The following PTPRE variants were observed in gnomAD, a reference collection of about 807,000 sequenced individuals.
PTPRE encodes protein tyrosine phosphatase receptor type E.
In PTPRE, 51 loss-of-function variants were observed where a neutral mutation model predicts 102.0. That is an observed-to-expected ratio of 0.50 (90% CI 0.40 to 0.63). The LOEUF (loss-of-function observed/expected upper bound fraction) is 0.63, where lower values mean the gene tolerates loss of function less well. Ranked by LOEUF, PTPRE falls within the 30% of genes least tolerant of loss-of-function variation. The probability of loss-of-function intolerance (pLI) is 0.00; values close to 1 mark genes in which losing one functional copy is unlikely to be tolerated. For synonymous variants in PTPRE, 345 were observed against 348.2 expected (o/e 0.99, Z 0.10); for missense variants, 752 against 915.1 (o/e 0.82, Z 2.30).
intron 18 of PTPRE, 119 bp downstream of exon 18, chr10:128,076,847 T>A: frequency 7.1e-7 from 1 of 1,402,096 alleles, no homozygotes. Context: ...CTTCACCTAG[T>A]CCCATTGGCT....
chr10:127,960,806 T>A (rs189034087), intron 1 of PTPRE, among the ~76,000 whole-genome samples: 2 of 151,960 alleles, frequency 1.3e-5, no homozygotes, highest in African/African-American at 2.4e-5. Flanking sequence ...GGCGGATCAC[T>A]AGGTCAGGAG....
chr10:128,040,285 AGT>A (rs1847568848), intron 2 of PTPRE, among the ~76,000 whole-genome samples: 1 of 152,114 alleles, frequency 6.6e-6, no homozygotes, highest in Non-Finnish European at 1.5e-5. Context: ...AGTCAGACTG[AGT>A]GTGCTGGAGC....
chr10:127,937,707 A>G (rs1441743448), intron 1 of PTPRE, among the ~76,000 whole-genome samples: 1 of 150,558 alleles, frequency 6.6e-6, no homozygotes, highest in African/African-American at 2.4e-5. Context: ...AAAAATACAA[A>G]AATTAGATGG....
At chr10:128,058,228 C>A (rs1171791212) in intron 7 of PTPRE, among the ~76,000 whole-genome samples, 2 of 152,234 alleles carry the variant, frequency 1.3e-5, no homozygotes, top group Non-Finnish European at 2.9e-5. Context: ...CAGGGCAGAG[C>A]AGTGGCCTCA....
At chr10:128,007,877 CT>C (rs761375922) in intron 2 of PTPRE, among the ~76,000 whole-genome samples, 2 of 152,220 alleles carry the variant, frequency 1.3e-5, no homozygotes, top group African/African-American at 2.4e-5. Context: ...ATCTGTGCAA[CT>C]TGCTCGGCTT....
intron 1 of PTPRE, among the ~76,000 whole-genome samples, chr10:127,965,286 A>T (rs1850159574): frequency 6.6e-6 from 1 of 152,180 alleles, no homozygotes. Context: ...TTCAGTTAGG[A>T]ATTCCCATGG....
intron 1 of PTPRE, among the ~76,000 whole-genome samples, chr10:127,949,308 C>T (rs1001866380): frequency 6.6e-6 from 1 of 152,162 alleles, no homozygotes; most frequent in Non-Finnish European, 1.5e-5. Flanking sequence ...TCTATTAGTT[C>T]TGTCTCTCTG....
In PTPRE at chr10:127,923,737, C is replaced by G. The variant is rs571951618; in HGVS notation, c.-31+16428C>G. 5.9e-5 allele frequency among the ~76,000 whole-genome samples: 9 copies of G among 152,274 alleles called. No individual in the cohort carries two copies. The East Asian group carries it at 1.5e-3, about 26-fold the overall frequency. On this transcript the variant is annotated intron_variant, in intron 1 of 20. Coordinates refer to ENST00000254667, the MANE Select transcript of PTPRE (RefSeq NM_006504.6). ...GAAACTCTATCAAGATATCATCCAG[C>G]CCAGTGTGGAGACACAATCTTCCTT...
intron 1 of PTPRE, among the ~76,000 whole-genome samples, chr10:127,913,123 G>A (rs923510845): frequency 7.2e-5 from 11 of 152,246 alleles, no homozygotes; most frequent in African/African-American, 2.2e-4. Flanking sequence ...GCATGATGCC[G>A]CCAAGGCAGC....
At chr10:128,062,596 TA>T (rs1849703748) in intron 9 of PTPRE, among the ~76,000 whole-genome samples, 1 of 152,174 alleles carries the variant, frequency 6.6e-6, no homozygotes, top group Non-Finnish European at 1.5e-5. Flanking sequence ...AGGAAGTGGA[TA>T]GGGGCAGAGG....
chr10:128,032,708 G>T (rs573377229), intron 2 of PTPRE, among the ~76,000 whole-genome samples: 17 of 152,328 alleles, frequency 1.1e-4, no homozygotes, highest in Non-Finnish European at 1.3e-4. Context: ...CCACACCATG[G>T]CCTGTGAGAT....
chr10:128,058,039 C>T lies in PTPRE; in HGVS notation c.511+1826C>T, dbSNP rs184879202. On this transcript the variant is annotated intron_variant, in intron 7 of 20. Coordinates refer to ENST00000254667, the MANE Select transcript of PTPRE (RefSeq NM_006504.6). Reference sequence around the variant, plus strand: ...TTGCCAACCATATGTGTTAAGAAACCGCTCAGTGCTAAGCACATTCCTGAA... The same window carrying T: ...TTGCCAACCATATGTGTTAAGAAACTGCTCAGTGCTAAGCACATTCCTGAA... Among the ~76,000 whole-genome samples the T allele has an allele frequency of 5.3e-5, 8 of 152,268 alleles. No individual in the cohort carries two copies. The East Asian group carries it at 7.7e-4, about 15-fold the overall frequency.
intron 1 of PTPRE, among the ~76,000 whole-genome samples, chr10:127,960,827 T>C (rs181077892): frequency 1.3e-5 from 2 of 151,974 alleles, no homozygotes; most frequent in East Asian, 3.9e-4. Flanking sequence ...ATCAAGACCA[T>C]CCTAACATGG....
chr10:127,993,137 C>T (rs1219696237), intron 2 of PTPRE, among the ~76,000 whole-genome samples: 1 of 152,146 alleles, frequency 6.6e-6, no homozygotes, highest in Non-Finnish European at 1.5e-5. Context: ...CTATGAAAGA[C>T]AGAGAACTAC....
rs1846438550 is a variant in PTPRE, at chr10:128,028,348, C to CA, written c.-7-12526dup. On this transcript the variant is annotated intron_variant, in intron 2 of 20. Coordinates refer to ENST00000254667, the MANE Select transcript of PTPRE (RefSeq NM_006504.6). The surrounding 1 kb of genome is among the most constrained non-coding windows in gnomAD (Gnocchi z 4.5). ...AAGGGACTCGGGTCACACACAGCCA[C>CA]ACTCGGGGATTAGGACCTGAAGGAT... 6.6e-6 allele frequency among the ~76,000 whole-genome samples: 1 copy of CA among 152,158 alleles called. No homozygotes were observed. The highest frequency in any genetic ancestry group is 6.5e-5 in the Admixed American group (1 of 15,268).
In PTPRE at chr10:128,066,074, G is replaced by A; in HGVS notation, c.724-1G>A. Reference sequence around the variant, plus strand: ...TGCTTCTATTAAATTGTTCCGTGCAGGAAAAGTGCCATCAGTACTGGCCCG... The same window carrying A: ...TGCTTCTATTAAATTGTTCCGTGCAAGAAAAGTGCCATCAGTACTGGCCCG... On this transcript the variant is annotated splice_acceptor_variant, in intron 10 of 20. Transcript: ENST00000254667. LOFTEE classifies it high-confidence loss of function. The A allele has an allele frequency of 6.2e-7, 1 of 1,614,198 alleles. No individual in the cohort carries two copies. Among genetic ancestry groups the A allele is most frequent in the Admixed American group, 1.7e-5 (1 of 60,024 alleles).
chr10:127,972,407 GAGGATCAGAC>G (rs1361090375), intron 1 of PTPRE, among the ~76,000 whole-genome samples: 1 of 152,178 alleles, frequency 6.6e-6, no homozygotes, highest in African/African-American at 2.4e-5. Context: ...GGGTGGCCGT[GAGGATCAGAC>G]AGGATCCTGT....
intron 1 of PTPRE, among the ~76,000 whole-genome samples, chr10:127,910,722 G>C (rs988005701): frequency 3.3e-5 from 5 of 152,176 alleles, no homozygotes; most frequent in Non-Finnish European, 7.3e-5. Context: ...CGCTTGGCTG[G>C]TATGCAGTAA....
At chr10:128,035,537 A>T (rs1847142669) in intron 2 of PTPRE, among the ~76,000 whole-genome samples, 1 of 152,176 alleles carries the variant, frequency 6.6e-6, no homozygotes, top group Non-Finnish European at 1.5e-5. Context: ...TGGCTTTGAA[A>T]CCTGAGTATG....
Sources: allele counts gnomAD v4.1 joint callset (sites outside exome capture counted in the v4.1 genomes callset), GRCh38; gene constraint gnomAD v4.1.1; non-coding constraint Gnocchi (gnomAD v3.1); transcripts MANE v1.5; gene names NCBI Gene and HGNC (gene_info 2026-07-23, HGNC 2026-07-21).